Variants in MPPED2 observed in about 807,000 individuals in gnomAD.
MPPED2 encodes the protein metallophosphoesterase MPPED2.
MPPED2 carries 5 observed loss-of-function variants against 33.0 expected under a neutral mutation model. The observed-to-expected ratio is 0.15, with a 90% CI of 0.08 to 0.32. MPPED2 has a LOEUF of 0.32. MPPED2 is among the 10% of genes least tolerant of loss of function. MPPED2 has a pLI of 1.00. For missense variants in MPPED2, 275 were observed against 372.1 expected, an observed-to-expected ratio of 0.74 and a Z score of 2.15; for synonymous variants, 136 against 141.9, an observed-to-expected ratio of 0.96 and a Z score of 0.29.
At chr11:30,524,838 G>A (rs922732154) in intron 3 of MPPED2, among the ~76,000 whole-genome samples, 3 of 152,060 alleles carry the variant, frequency 2.0e-5, no homozygotes, top group Non-Finnish European at 4.4e-5. Context: ...TTCAGTTTGA[G>A]GTATTATTGG....
intron 4 of MPPED2, among the ~76,000 whole-genome samples, chr11:30,468,730 A>T (rs1170786709): frequency 1.3e-5 from 2 of 152,188 alleles, no homozygotes; most frequent in Non-Finnish European, 2.9e-5. Flanking sequence ...CACCAAAACC[A>T]TGGCTACCTC....
Position 30,580,174 on chromosome 11 carries a change from G to T in MPPED2, c.128+72C>A. On this transcript the variant is annotated intron_variant, in intron 2 of 6. Coordinates refer to ENST00000358117, the MANE Select transcript of MPPED2 (RefSeq NM_001584.3). The stretch of plus-strand genomic sequence containing the variant: ...TTAGTCTCCCTAGCAGAAGTTAATA[G>T]TGAATGCTTTTCTTTTTTTTCTTTT... The T allele has an allele frequency of 2.0e-6, 3 of 1,479,494 alleles. No homozygotes were observed. In the South Asian group the frequency reaches 3.6e-5, roughly 18 times the overall value. 91.6% of individuals were successfully genotyped at this position (1,479,494 alleles called of 1,614,324 possible). A position where few individuals can be genotyped will look rare whatever the true frequency, so the allele number is the denominator to read the frequency against.
chr11:30,565,796 C>G (rs1956417626), intron 2 of MPPED2, among the ~76,000 whole-genome samples: 1 of 152,116 alleles, frequency 6.6e-6, no homozygotes. Flanking sequence ...TTTTCCTGAT[C>G]ATTTGCTTTT....
intron 2 of MPPED2, among the ~76,000 whole-genome samples, chr11:30,553,143 C>T (rs1054283544): frequency 1.3e-5 from 2 of 152,178 alleles, no homozygotes; most frequent in African/African-American, 4.8e-5. Context: ...TTGCCCTACT[C>T]AGTTTATTTC....
chr11:30,525,199 T>C (rs539644002), intron 3 of MPPED2, among the ~76,000 whole-genome samples: 1 of 152,334 alleles, frequency 6.6e-6, no homozygotes, highest in South Asian at 2.1e-4. Context: ...GCAGTGACTT[T>C]GCTTCTGCAT....
intron 3 of MPPED2, among the ~76,000 whole-genome samples, chr11:30,508,969 G>A (rs1002221542): frequency 6.6e-6 from 1 of 152,158 alleles, no homozygotes; most frequent in Non-Finnish European, 1.5e-5. Context: ...TTATCAAATA[G>A]ATGAATGAAT....
intron 2 of MPPED2, among the ~76,000 whole-genome samples, chr11:30,579,824 G>A (rs1957085732): frequency 9.2e-6 from 1 of 109,140 alleles, no homozygotes; most frequent in Admixed American, 8.1e-5. Context: ...GGGGTGAGGT[G>A]TGGGAAAAAA....
intron 3 of MPPED2, among the ~76,000 whole-genome samples, chr11:30,502,526 T>G (rs915111184): frequency 1.3e-5 from 2 of 152,196 alleles, no homozygotes; most frequent in African/African-American, 4.8e-5. Context: ...CAATTTCTTA[T>G]CTACAGGCTC....
intron 4 of MPPED2, among the ~76,000 whole-genome samples, chr11:30,489,554 C>T (rs555928355): frequency 1.6e-3 from 247 of 152,366 alleles, no homozygotes; most frequent in African/African-American, 5.8e-3. Flanking sequence ...ACTTTCTCTT[C>T]CTATTTCAGC....
intron 4 of MPPED2, among the ~76,000 whole-genome samples, chr11:30,479,418 A>C (rs1398052127): frequency 1.3e-5 from 2 of 152,186 alleles, no homozygotes; most frequent in African/African-American, 4.8e-5. Flanking sequence ...ACTAAAGCAG[A>C]ATAATCTCTA....
chr11:30,583,055 G>C (rs1385487269), intron 1 of MPPED2, among the ~76,000 whole-genome samples: 1 of 149,554 alleles, frequency 6.7e-6, no homozygotes, highest in Non-Finnish European at 1.5e-5. Flanking sequence ...TTTTTAAAAT[G>C]CTATGTTCAT....
chr11:30,386,549 C>T, exon 7 of MPPED2: 1 of 394,612 alleles, frequency 2.5e-6, no homozygotes, highest in Non-Finnish European at 4.5e-6. Flanking sequence ...TTATAAAATA[C>T]CCAGTCTCAG....
chr11:30,487,830 A>G (rs1322756850), intron 4 of MPPED2, among the ~76,000 whole-genome samples: 2 of 151,550 alleles, frequency 1.3e-5, no homozygotes, highest in African/African-American at 2.4e-5. Context: ...TCTTCCCTCA[A>G]TGATCCTATT....
chr11:30,524,378 A>G (rs1954048055), intron 3 of MPPED2, among the ~76,000 whole-genome samples: 1 of 152,220 alleles, frequency 6.6e-6, no homozygotes, highest in South Asian at 2.1e-4. Context: ...GTGGACAGAT[A>G]GGTTGGACCA....
At chr11:30,582,111 T>C (rs982920325) in intron 1 of MPPED2, among the ~76,000 whole-genome samples, 4 of 152,232 alleles carry the variant, frequency 2.6e-5, no homozygotes, top group Non-Finnish European at 5.9e-5. Context: ...CAATTATATT[T>C]TACTGTTATT....
chr11:30,555,149 A>G (rs1051215270), intron 2 of MPPED2, among the ~76,000 whole-genome samples: 1 of 152,172 alleles, frequency 6.6e-6, no homozygotes, highest in Non-Finnish European at 1.5e-5. Flanking sequence ...AAACTATTTT[A>G]GTCCATGTCC....
chr11:30,442,234 A>G (rs1949609330), intron 4 of MPPED2, among the ~76,000 whole-genome samples: 1 of 152,240 alleles, frequency 6.6e-6, no homozygotes, highest in African/African-American at 2.4e-5. Context: ...CCAGACTGAA[A>G]TACTCAGGGA....
intron 1 of MPPED2, among the ~76,000 whole-genome samples, chr11:30,583,953 T>C (rs1411644658): frequency 6.6e-6 from 1 of 152,222 alleles, no homozygotes; most frequent in Non-Finnish European, 1.5e-5. Flanking sequence ...AGTGCGTTCT[T>C]AATTCACGCC....
chr11:30,555,608 A>G (rs1955928419), intron 2 of MPPED2, among the ~76,000 whole-genome samples: 1 of 152,152 alleles, frequency 6.6e-6, no homozygotes, highest in East Asian at 1.9e-4. Context: ...TGATGGTTTT[A>G]TAAAGGGCAG....
Sources: allele counts gnomAD v4.1 joint callset (sites outside exome capture counted in the v4.1 genomes callset), GRCh38; gene constraint gnomAD v4.1.1; transcripts MANE v1.5; gene names NCBI Gene and HGNC (gene_info 2026-07-23, HGNC 2026-07-21).